Variants in RHOBTB2 observed in about 807,000 individuals in gnomAD.
RHOBTB2 encodes rho-related BTB domain-containing protein 2.
A neutral mutation model predicts 66.5 loss-of-function variants in RHOBTB2; 39 were observed. That is an observed-to-expected ratio of 0.59 (90% confidence interval 0.45 to 0.77). The LOEUF (loss-of-function observed/expected upper bound fraction) is 0.77. Among genes scored for constraint, RHOBTB2 ranks in the 30% least tolerant of loss-of-function variants. RHOBTB2 has a pLI of 0.00. For missense variants in RHOBTB2, 755 were observed against 999.1 expected, an observed-to-expected ratio of 0.76 and a Z score of 3.29; for synonymous variants, 390 against 395.0, an observed-to-expected ratio of 0.99 and a Z score of 0.15.
upstream of RHOBTB2, among the ~76,000 whole-genome samples, chr8:22,996,967 A>AT (rs753988775): frequency 1.6e-3 from 245 of 152,244 alleles, no homozygotes; most frequent in Non-Finnish European, 3.2e-3. Context: ...GTCCCGGGGC[A>AT]GTCCTGGCCA....
rs767566136 is a variant in RHOBTB2 at position 23,004,536 on chromosome 8, C to T, written c.102C>T (p.Arg34=). Residue 34 remains arginine, a synonymous_variant, in exon 2 of 10, where the codon CGC becomes CGT. Coordinates refer to ENST00000251822, the MANE Select transcript of RHOBTB2 (RefSeq NM_015178.3). The surrounding 1 kb of genome is among the most constrained non-coding windows in gnomAD (Gnocchi z 6.4). Reference sequence around the variant, plus strand: ...GTAAGACCAGGCTCATCTGTGCCCGCGCTTGCAATGCCACCCTCACCCAGT... The same window carrying T: ...GTAAGACCAGGCTCATCTGTGCCCGTGCTTGCAATGCCACCCTCACCCAGT... ...AVGKTRLICA[R]ACNATLTQYQ... 3.6e-5 allele frequency: 58 copies of T among 1,614,104 alleles called. No individual in the cohort carries two copies. Among genetic ancestry groups the T allele is most frequent in the East Asian group, 1.1e-4 (5 of 44,902 alleles).
At chr8:22,960,400 C>A in the RHOBTB2 span, among the ~76,000 whole-genome samples, 1 of 149,632 alleles carries the variant, frequency 6.7e-6, no homozygotes, top group African/African-American at 2.5e-5. Flanking sequence ...CTCACTGCAA[C>A]CTCCACCTCC....
chr8:22,985,853 C>G (rs564931799), upstream of RHOBTB2, among the ~76,000 whole-genome samples: 1 of 152,260 alleles, frequency 6.6e-6, no homozygotes, highest in African/African-American at 2.4e-5. Flanking sequence ...GGCATTGTTT[C>G]TAGAACCCAC....
chr8:22,962,179 C>CAAAAAAAAAAAAAAAAAAAAAAAAAA, the RHOBTB2 span, among the ~76,000 whole-genome samples: 3 of 13,844 alleles, frequency 2.2e-4, no homozygotes, highest in Admixed American at 1.4e-3. Flanking sequence ...AACGAATTTA[C>CAAAAAAAAAAAAAAAAAAAAAAAAAA]AAAAAAAAAA....
intron 9 of RHOBTB2, among the ~76,000 whole-genome samples, chr8:23,016,003 T>C (rs1370000384): frequency 6.6e-6 from 1 of 152,178 alleles, no homozygotes; most frequent in African/African-American, 2.4e-5. Flanking sequence ...ATTTCAGACT[T>C]TTCTGGACAG....
chr8:22,985,276 A>C (rs1210822483), upstream of RHOBTB2, among the ~76,000 whole-genome samples: 3 of 152,276 alleles, frequency 2.0e-5, no homozygotes, highest in East Asian at 5.8e-4. Context: ...TCGATCTAAG[A>C]AGCAGATGTT....
chr8:22,978,403 C>T, the RHOBTB2 span, among the ~76,000 whole-genome samples: 1 of 150,386 alleles, frequency 6.6e-6, no homozygotes, highest in Non-Finnish European at 1.5e-5. Context: ...AGGAGAATGG[C>T]GTGAGCCCGG....
chr8:22,955,113 A>G, the RHOBTB2 span, among the ~76,000 whole-genome samples: 1 of 152,238 alleles, frequency 6.6e-6, no homozygotes, highest in South Asian at 2.1e-4. Flanking sequence ...CCTGGGTGAC[A>G]GAGTGAGACT....
the RHOBTB2 span, among the ~76,000 whole-genome samples, chr8:22,977,520 C>T: frequency 3.4e-5 from 5 of 146,982 alleles, no homozygotes; most frequent in South Asian, 4.3e-4. Flanking sequence ...TGCAGTAAGC[C>T]GAGATCATAT....
the RHOBTB2 span, among the ~76,000 whole-genome samples, chr8:22,981,078 T>G: frequency 1.3e-5 from 2 of 152,170 alleles, no homozygotes; most frequent in African/African-American, 4.8e-5. Context: ...AACCACCAAC[T>G]GATTTGTCTC....
the RHOBTB2 span, among the ~76,000 whole-genome samples, chr8:22,960,409 C>T: frequency 7.0e-3 from 1,057 of 151,040 alleles, 11 homozygotes; most frequent in African/African-American, 0.024. Flanking sequence ...ACCTCCACCT[C>T]CTGGGTTCAA....
rs1336245558 is a variant in RHOBTB2, at chr8:23,018,411, T to G, written c.*942T>G. 6.6e-6 allele frequency: 1 copy of G among 152,670 alleles called. No individual in the cohort carries two copies. The highest frequency in any genetic ancestry group is 2.4e-5 in the African/African-American group (1 of 41,466). 9.5% of individuals were successfully genotyped at this position (152,670 alleles called of 1,614,324 possible). A position where few individuals can be genotyped will look rare whatever the true frequency, so the allele number is the denominator to read the frequency against. ...AAAAATCAACAAACACTCTGTCCTC[T>G]ATCCCTCCAAAGAATGAAAATCAGA... On this transcript the variant is annotated 3_prime_UTR_variant, in exon 10 of 10. Transcript: ENST00000251822.
chr8:22,989,069 CT>C (rs1810359246), intron 1 of RHOBTB2, among the ~76,000 whole-genome samples: 1 of 152,264 alleles, frequency 6.6e-6, no homozygotes, highest in Non-Finnish European at 1.5e-5. Context: ...GTCAGTTCCT[CT>C]GATGGCCATC....
In RHOBTB2 at chr8:22,999,740, C is replaced by G. The variant is rs761685059; in HGVS notation, c.-376C>G. Reference sequence around the variant, plus strand: ...CTTCGCCGCGGGCCCGGGCGCGTAGCGGCGGCGGCCTCGCCCCTCTCCCGG... The same window carrying G: ...CTTCGCCGCGGGCCCGGGCGCGTAGGGGCGGCGGCCTCGCCCCTCTCCCGG... On this transcript the variant is annotated 5_prime_UTR_variant, in exon 1 of 10. Transcript: ENST00000251822. 2 of 1,078,466 alleles carry G rather than the reference C, an allele frequency of 1.9e-6. No individual in the cohort carries two copies. Among genetic ancestry groups the G allele is most frequent in the South Asian group, 4.3e-5 (2 of 46,402 alleles). The allele number at this position is 1,078,466 out of a possible 1,614,324, so 66.8% of individuals were successfully genotyped here. A position where few individuals can be genotyped will look rare whatever the true frequency, so the allele number is the denominator to read the frequency against.
chr8:23,010,751 A>G (rs1811121714), intron 7 of RHOBTB2, 63 bp downstream of exon 7: 6 of 1,560,272 alleles, frequency 3.8e-6, no homozygotes, highest in Non-Finnish European at 5.3e-6. Context: ...CCAAGGTGCA[A>G]TGTTCTCCTC....
chr8:22,994,065 A>G (rs914052326), intron 2 of RHOBTB2, among the ~76,000 whole-genome samples: 5 of 152,188 alleles, frequency 3.3e-5, no homozygotes, highest in African/African-American at 1.2e-4. Context: ...GAGATGTTTC[A>G]ATGAAAAGAA....
the RHOBTB2 span, among the ~76,000 whole-genome samples, chr8:22,962,179 CAAAAAAAAAAAAAAAAAAAA>C: frequency 2.2e-4 from 3 of 13,844 alleles, no homozygotes; most frequent in Admixed American, 1.4e-3. Context: ...AACGAATTTA[CAAAAAAAAAAAAAAAAAAAA>C]AAAAAAAAAA....
At chr8:22,988,922 C>A (rs557916129) in intron 1 of RHOBTB2, among the ~76,000 whole-genome samples, 1 of 152,228 alleles carries the variant, frequency 6.6e-6, no homozygotes, top group East Asian at 1.9e-4. Flanking sequence ...CTGATTTGGG[C>A]CCTCTTACCT....
intron 2 of RHOBTB2, among the ~76,000 whole-genome samples, chr8:22,993,826 C>A (rs1444515200): frequency 6.6e-6 from 1 of 152,234 alleles, no homozygotes; most frequent in Non-Finnish European, 1.5e-5. Context: ...CTTCCCTGAT[C>A]ACTTCCAATC....
Sources: gnomAD v4.1 joint callset for allele counts (sites outside exome capture counted in the v4.1 genomes callset) on GRCh38, gnomAD v4.1.1 for gene constraint, Gnocchi (gnomAD v3.1) non-coding constraint, MANE v1.5 for transcripts, NCBI Gene and HGNC (gene_info 2026-07-23, HGNC 2026-07-21) for gene names.